Variants in PIEZO2 observed in about 807,000 individuals in gnomAD.
PIEZO2 encodes piezo-type mechanosensitive ion channel component 2.
Under a neutral mutation model 337.3 loss-of-function variants are expected in PIEZO2, and 172 were observed. That is an observed-to-expected ratio of 0.51 (90% CI 0.45 to 0.58). PIEZO2 has a LOEUF of 0.58. Ranked by LOEUF, PIEZO2 falls within the 20% of genes least tolerant of loss-of-function variation. The pLI, the probability that PIEZO2 is intolerant of heterozygous loss-of-function variation, is 0.00. For synonymous variants in PIEZO2, 1,251 were observed against 1,228.5 expected (o/e 1.02, Z -0.38); for missense variants, 3,028 against 3,391.3 (o/e 0.89, Z 2.66).
intron 18 of PIEZO2, among the ~76,000 whole-genome samples, chr18:10,774,925 C>A (rs868254954): frequency 6.6e-6 from 1 of 152,080 alleles, no homozygotes; most frequent in South Asian, 2.1e-4. Flanking sequence ...TAATTTTCTA[C>A]CAAATGAGGA....
chr18:10,923,070 G>A (rs1248675202), intron 3 of PIEZO2, among the ~76,000 whole-genome samples: 52 of 152,216 alleles, frequency 3.4e-4, no homozygotes, highest in Non-Finnish European at 5.9e-5. Flanking sequence ...GTTGACTATA[G>A]AAGACATTTC....
At chr18:11,141,761 G>A (rs1389881606) in intron 1 of PIEZO2, among the ~76,000 whole-genome samples, 2 of 152,124 alleles carry the variant, frequency 1.3e-5, no homozygotes, top group South Asian at 2.1e-4. Context: ...AATCTGAAGT[G>A]GGGTGGAGAG....
intron 27 of PIEZO2, among the ~76,000 whole-genome samples, chr18:10,756,170 G>A (rs1323657975): frequency 6.7e-6 from 1 of 150,348 alleles, no homozygotes; most frequent in African/African-American, 2.5e-5. Flanking sequence ...TGGAAGAGAA[G>A]GAGGGATGAG....
intron 7 of PIEZO2, among the ~76,000 whole-genome samples, chr18:10,842,974 T>C (rs2041241912): frequency 6.6e-6 from 1 of 152,188 alleles, no homozygotes; most frequent in Non-Finnish European, 1.5e-5. Flanking sequence ...TCTCTTATCC[T>C]TGAGTCATGG....
At chr18:10,909,595 T>C (rs767644464) in intron 4 of PIEZO2, among the ~76,000 whole-genome samples, 6 of 152,346 alleles carry the variant, frequency 3.9e-5, no homozygotes, top group Admixed American at 1.3e-4. Flanking sequence ...TGAAATGACA[T>C]AGTATCTGAG....
intron 1 of PIEZO2, among the ~76,000 whole-genome samples, chr18:11,144,042 A>G (rs1350351473): frequency 6.6e-6 from 1 of 152,148 alleles, no homozygotes; most frequent in East Asian, 1.9e-4. Context: ...CATGAGGTCA[A>G]TGAGAGTCTC....
At position 11,083,363 on chromosome 18, in the gene PIEZO2, CTA is replaced by C. The variant is rs1726920148; in HGVS notation, c.65-17143_65-17142del. On this transcript the variant is annotated intron_variant, in intron 1 of 55. Coordinates refer to ENST00000674853, the MANE Select transcript of PIEZO2 (RefSeq NM_001378183.1). The surrounding 1 kb of genome is among the most constrained non-coding windows in gnomAD (Gnocchi z 4.4). ...ATCAGAATTTCTCTCAGAAGAGGAA[CTA>C]TATTTGTTTGGATGTTTTCCTTGGT... Among the ~76,000 whole-genome samples, 1 of 152,196 alleles carries C rather than the reference CTA, an allele frequency of 6.6e-6. No individual in the cohort carries two copies. The highest frequency in any genetic ancestry group is 1.5e-5 in the Non-Finnish European group (1 of 68,040).
chr18:10,801,526 C>G lies in PIEZO2; in HGVS notation c.1201-98G>C. ...GTTTTACTGTGCACAAGCCCATTCT[C>G]TTTAACTTGCTGATTGCTAGTATAT... is the stretch of plus-strand genomic sequence containing the variant. On this transcript the variant is annotated intron_variant, in intron 9 of 55. Coordinates refer to ENST00000674853, the MANE Select transcript of PIEZO2 (RefSeq NM_001378183.1). 3.7e-6 allele frequency: 4 copies of G among 1,079,432 alleles called. No homozygotes were observed. The South Asian group carries it at 5.7e-5, about 16-fold the overall frequency. The allele number at this position is 1,079,432 out of a possible 1,614,324, so 66.9% of individuals were successfully genotyped here. A position where few individuals can be genotyped will look rare whatever the true frequency, so the allele number is the denominator to read the frequency against.
chr18:10,698,835 TAC>T, intron 44 of PIEZO2, 88 bp downstream of exon 44: 1 of 1,456,768 alleles, frequency 6.9e-7, no homozygotes. Context: ...TAGCACCCAA[TAC>T]ACTCCCTTGC....
In PIEZO2 at chr18:10,762,129, C is replaced by T. The variant is rs138462729; in HGVS notation, c.3249+371G>A. Among the ~76,000 whole-genome samples, 14 of 152,262 alleles carry T rather than the reference C, an allele frequency of 9.2e-5. No homozygotes were observed. The East Asian group carries it at 1.9e-3, about 21-fold the overall frequency. On this transcript the variant is annotated intron_variant, in intron 23 of 55. Coordinates refer to ENST00000674853, the MANE Select transcript of PIEZO2 (RefSeq NM_001378183.1). ...CTTTACTTAATATTTTTCTTTGTGT[C>T]TAGAAGAGATCATACTATGCACAGT...
chr18:11,018,717 A>G (rs1173073162), intron 2 of PIEZO2, among the ~76,000 whole-genome samples: 1 of 152,168 alleles, frequency 6.6e-6, no homozygotes, highest in African/African-American at 2.4e-5. Flanking sequence ...TTATTGAGAC[A>G]AGGAACAGAA....
intron 4 of PIEZO2, among the ~76,000 whole-genome samples, chr18:10,901,002 G>T (rs2043032481): frequency 6.6e-6 from 1 of 152,098 alleles, no homozygotes; most frequent in South Asian, 2.1e-4. Context: ...TGAAAGAAAA[G>T]AATAGAAAAA....
chr18:10,768,223 T>TG (rs1397634863), intron 21 of PIEZO2, among the ~76,000 whole-genome samples: 3 of 152,014 alleles, frequency 2.0e-5, no homozygotes, highest in Admixed American at 6.6e-5. Context: ...ACTACTGAAG[T>TG]GAGATTTTGC....
chr18:11,065,825 A>C (rs934353300), intron 2 of PIEZO2, among the ~76,000 whole-genome samples: 1 of 152,214 alleles, frequency 6.6e-6, no homozygotes, highest in African/African-American at 2.4e-5. Flanking sequence ...GTCTTATTTT[A>C]TTGACAATAC....
At chr18:10,879,558 G>A (rs924429393) in intron 4 of PIEZO2, among the ~76,000 whole-genome samples, 4 of 151,976 alleles carry the variant, frequency 2.6e-5, no homozygotes, top group African/African-American at 9.7e-5. Context: ...ACCACGCCTG[G>A]CTAATTTTTT....
At position 10,942,713 on chromosome 18, in the gene PIEZO2, A is replaced by G. The variant is rs1316858529; in HGVS notation, c.287-31485T>C. On this transcript the variant is annotated intron_variant, in intron 3 of 55. Transcript: ENST00000674853. The surrounding 1 kb of genome is among the most constrained non-coding windows in gnomAD (Gnocchi z 4.4). ...TCAAGCCACCTGCAGAAATTTGCAT[A>G]AGTAATGAAGAGCCAAATATTAATC... Among the ~76,000 whole-genome samples the G allele has an allele frequency of 6.6e-6, 1 of 152,212 alleles. No homozygotes were observed. Among genetic ancestry groups the G allele is most frequent in the African/African-American group, 2.4e-5 (1 of 41,450 alleles).
intron 4 of PIEZO2, among the ~76,000 whole-genome samples, chr18:10,885,629 AC>A (rs1289231763): frequency 6.6e-6 from 1 of 152,132 alleles, no homozygotes. Context: ...GAAAGGTACC[AC>A]GGTCAGGGTC....
chr18:11,012,672 C>A (rs778216422), intron 2 of PIEZO2, among the ~76,000 whole-genome samples: 5 of 152,192 alleles, frequency 3.3e-5, no homozygotes, highest in Non-Finnish European at 7.3e-5. Context: ...TCTCTATCTA[C>A]TAGTCTGTAA....
In PIEZO2 at chr18:11,092,755, T is replaced by C. The variant is rs9959488; in HGVS notation, c.65-26533A>G. On this transcript the variant is annotated intron_variant, in intron 1 of 55. Coordinates refer to ENST00000674853, the MANE Select transcript of PIEZO2 (RefSeq NM_001378183.1). This position sits in a 1 kb window ranked among gnomAD's most constrained non-coding sequence, Gnocchi z 4.5. Reference sequence around the variant, plus strand: ...GTTGCAGCCTTGCCTTTTAGTAATGTAGCCTATGTGATTGGGGTCGGAACT... The same window carrying C: ...GTTGCAGCCTTGCCTTTTAGTAATGCAGCCTATGTGATTGGGGTCGGAACT... 0.053 allele frequency among the ~76,000 whole-genome samples: 8,104 copies of C among 152,212 alleles called. 416 individuals are homozygous for C. Among genetic ancestry groups the C allele is most frequent in the African/African-American group, 0.14 (5,605 of 41,516 alleles).
Sources: allele counts gnomAD v4.1 joint callset (sites outside exome capture counted in the v4.1 genomes callset), GRCh38; gene constraint gnomAD v4.1.1; non-coding constraint Gnocchi (gnomAD v3.1); transcripts MANE v1.5; gene names NCBI Gene and HGNC (gene_info 2026-07-23, HGNC 2026-07-21).